PNPLA4: variants seen among roughly 807,000 people sequenced by gnomAD.
PNPLA4 encodes patatin like domain 4, phospholipase and triacylglycerol lipase.
In PNPLA4, 15 loss-of-function variants were observed where a neutral mutation model predicts 18.3. The observed-to-expected ratio is 0.82, with a 90% confidence interval of 0.55 to 1.26. PNPLA4 has a LOEUF of 1.26. PNPLA4 is among the 50% of genes most tolerant of loss of function. PNPLA4 has a pLI of 0.00. For missense variants in PNPLA4, 229 were observed against 196.8 expected (o/e 1.16, Z -0.98); for synonymous variants, 88 against 85.6 (o/e 1.03, Z -0.16).
At chrX:7,909,730 A>G (rs750660263) in intron 5 of PNPLA4, among the ~76,000 whole-genome samples, 3 of 110,926 alleles carry the variant, frequency 2.7e-5, no homozygotes, top group Non-Finnish European at 5.7e-5. Flanking sequence ...CTGGAGCTCC[A>G]GTAATCACAT....
Position 7,899,681 on chromosome X carries a change from A to AGAGAGAGAC in PNPLA4, c.*1004_*1005insGTCTCTCTC, listed in dbSNP as rs1923463856. 4.0e-5 allele frequency: 1 copy of AGAGAGAGAC among 25,093 alleles called. No homozygotes were observed. The allele number at this position is 25,093 out of a possible 1,213,427, so 2.1% of individuals were successfully genotyped here. A position where few individuals can be genotyped will look rare whatever the true frequency, so the allele number is the denominator to read the frequency against. ...AGAGAGAGAGAGAGAGAGAGAGAGA[A>AGAGAGAGAC]TGAATGACAACCAGCTTGATAATCT... On this transcript the variant is annotated 3_prime_UTR_variant, in exon 7 of 7. Transcript: ENST00000381042.
chrX:7,902,632 A>G (rs1415630112), intron 5 of PNPLA4, among the ~76,000 whole-genome samples: 2 of 112,271 alleles, frequency 1.8e-5, no homozygotes, highest in African/African-American at 6.5e-5. Context: ...TCCTGAAGCC[A>G]TAAGGAATGG....
chrX:7,900,738 C>G lies in PNPLA4; in HGVS notation c.710G>C (p.Cys237Ser). Residue 237 changes from cysteine (C) to serine (S), a missense_variant, in exon 7 of 7, where the codon TGT becomes TCT. Cys to Ser is a moderately radical substitution (Grantham distance 112, BLOSUM62 -1). Coordinates refer to ENST00000381042, the MANE Select transcript of PNPLA4 (RefSeq NM_004650.3). ...SKRKMESLYQ[C>S]GFDDTVKFLL... is the part of the protein sequence containing the mutation. ...AAACTTAACAGTGTCATCAAAACCACACTGATACAAAGATTCCATTTTCCT... is the reference window on the plus strand; with the variant it reads ...AAACTTAACAGTGTCATCAAAACCAGACTGATACAAAGATTCCATTTTCCT... 8.4e-7 allele frequency: 1 copy of G among 1,191,428 alleles called. No homozygotes were observed. The highest frequency in any genetic ancestry group is 1.7e-5 in the African/African-American group (1 of 57,418).
chrX:7,925,848 T>C, intron 2 of PNPLA4, 92 bp downstream of exon 2: 2 of 707,558 alleles, frequency 2.8e-6, no homozygotes, highest in Non-Finnish European at 4.2e-6. Context: ...ATTATTTCTC[T>C]GCAGTGTTAA....
At chrX:7,921,913 CA>C (rs1344273486) in intron 3 of PNPLA4, 65 bp from the exon 4 acceptor site, 3 of 1,132,710 alleles carry the variant, frequency 2.6e-6, no homozygotes, top group Non-Finnish European at 3.6e-6. Context: ...AAATATTTTA[CA>C]AGAGAGAATG....
rs1923895309 is a variant in PNPLA4 at position 7,912,082 on chromosome X, G to A, written c.423C>T (p.Ala141=). Residue 141 remains alanine (A), a synonymous_variant, in exon 5 of 7, where the codon GCC becomes GCT. Transcript: ENST00000381042. ...SREDLIKVLL[A]SSFVPIYAGL... ...CTGCATAAATGGGCACAAAACTGCT[G>A]GCTAGGAGGACCTAGATGGATAAAA... The A allele has an allele frequency of 8.3e-7, 1 of 1,199,935 alleles. No homozygotes were observed. Among genetic ancestry groups the A allele is most frequent in the Non-Finnish European group, 1.1e-6 (1 of 885,521 alleles).
At chrX:7,919,921 C>G (rs1924160388) in intron 4 of PNPLA4, among the ~76,000 whole-genome samples, 1 of 111,748 alleles carries the variant, frequency 8.9e-6, no homozygotes, top group Admixed American at 9.5e-5. Flanking sequence ...GTAACAGATG[C>G]AACCTTGGTT....
In PNPLA4 at chrX:7,926,319, C is replaced by G. The variant is rs1924404569; in HGVS notation, c.-13-187G>C. Among the ~76,000 whole-genome samples the G allele has an allele frequency of 2.7e-5, 3 of 112,306 alleles. No homozygotes were observed. In the South Asian group the frequency reaches 1.1e-3, roughly 41 times the overall value. The stretch of plus-strand genomic sequence containing the variant: ...GGAAACCCTTTCTTTCCCTCCTCAC[C>G]TTGACCCAAGTCTTATACATTAAAA... On this transcript the variant is annotated intron_variant, in intron 1 of 6. Transcript: ENST00000381042.
intron 5 of PNPLA4, among the ~76,000 whole-genome samples, chrX:7,904,840 T>C (rs1439217668): frequency 1.8e-5 from 2 of 111,404 alleles, no homozygotes; most frequent in African/African-American, 6.6e-5. Context: ...TTAAGAAAAA[T>C]AGCTGCTGGT....
intron 5 of PNPLA4, among the ~76,000 whole-genome samples, chrX:7,907,429 A>T (rs751758131): frequency 1.8e-5 from 2 of 112,671 alleles, no homozygotes; most frequent in South Asian, 3.7e-4. Context: ...AAATGAGTTA[A>T]GAATTCCTCT....
Position 7,926,097 on chromosome X carries a change from A to G in PNPLA4, c.23T>C (p.Phe8Ser), listed in dbSNP as rs369470682. 20 of 1,209,122 alleles carry G rather than the reference A, an allele frequency of 1.7e-5. No homozygotes were observed. The highest frequency in any genetic ancestry group is 2.1e-5 in the Non-Finnish European group (19 of 894,373). ...AATGCCCAGAAATCCACACGCTGCA[A>G]ATGATAGGTTGATGTGCTTCATTCT... MKHINLSFAACGFLGIYH... is the reference protein window; with the variant it reads MKHINLSSAACGFLGIYH... Residue 8 changes from phenylalanine to serine, a missense_variant, in exon 2 of 7, where the codon TTT (phenylalanine) becomes TCT (serine). Physicochemically the swap from Phe to Ser is radical, Grantham distance 155. Transcript: ENST00000381042.
chrX:7,910,875 CTATT>C (rs201337930), intron 5 of PNPLA4, among the ~76,000 whole-genome samples: 2,285 of 109,438 alleles, frequency 0.021, 71 homozygotes, highest in Admixed American at 0.1. Flanking sequence ...GATATCTACT[CTATT>C]TAATTATAAA....
chrX:7,911,255 AC>A (rs1345799709), intron 5 of PNPLA4, among the ~76,000 whole-genome samples: 1 of 112,200 alleles, frequency 8.9e-6, no homozygotes, highest in African/African-American at 3.2e-5. Context: ...AACACATTAA[AC>A]CAAATACTAT....
chrX:7,918,189 A>G (rs1261278306), intron 4 of PNPLA4, among the ~76,000 whole-genome samples: 1 of 111,380 alleles, frequency 9.0e-6, no homozygotes, highest in Non-Finnish European at 1.9e-5. Context: ...GACCTGTATT[A>G]GTTCATTTTC....
chrX:7,921,333 C>G (rs1449373074), intron 4 of PNPLA4, among the ~76,000 whole-genome samples: 1 of 111,963 alleles, frequency 8.9e-6, no homozygotes, highest in Non-Finnish European at 1.9e-5. Context: ...TACAGAAGGA[C>G]TTGAAGGACT....
At chrX:7,908,933 C>T (rs1923790587) in intron 5 of PNPLA4, among the ~76,000 whole-genome samples, 1 of 111,674 alleles carries the variant, frequency 9.0e-6, no homozygotes, top group South Asian at 3.8e-4. Context: ...AGTACTTAAT[C>T]ACATCATGGA....
chrX:7,919,085 A>AT lies in PNPLA4; in HGVS notation c.411+2627dup, dbSNP rs1334306561. 4.4e-5 allele frequency among the ~76,000 whole-genome samples: 5 copies of AT among 112,947 alleles called. No individual in the cohort carries two copies. The Admixed American group carries it at 4.7e-4, about 11-fold the overall frequency. ...ATATTCTCCTTACAAAGTATTACAC[A>AT]TTTGTGTCAACAATTTCTCTTCTGT... is the stretch of plus-strand genomic sequence containing the variant. On this transcript the variant is annotated intron_variant, in intron 4 of 6. Transcript: ENST00000381042.
intron 4 of PNPLA4, among the ~76,000 whole-genome samples, chrX:7,920,720 A>G (rs755481668): frequency 2.7e-5 from 3 of 112,588 alleles, no homozygotes; most frequent in African/African-American, 9.7e-5. Flanking sequence ...TCAGTGCATT[A>G]CCACAGCAGG....
At chrX:7,915,453 G>C (rs1924016980) in intron 4 of PNPLA4, among the ~76,000 whole-genome samples, 1 of 111,415 alleles carries the variant, frequency 9.0e-6, no homozygotes, top group African/African-American at 3.3e-5. Flanking sequence ...AGTGTTTGTG[G>C]TTGAGAACGC....
Sources: allele counts gnomAD v4.1 joint callset (sites outside exome capture counted in the v4.1 genomes callset), GRCh38; gene constraint gnomAD v4.1.1; transcripts MANE v1.5; gene names NCBI Gene and HGNC (gene_info 2026-07-23, HGNC 2026-07-21).